Variants in DIP2C observed in about 807,000 individuals in gnomAD.
DIP2C encodes disco-interacting protein 2 homolog C.
In DIP2C, 33 loss-of-function variants were observed where a neutral mutation model predicts 192.4. That is an observed-to-expected ratio of 0.17 (90% CI 0.13 to 0.23). The LOEUF is 0.23. DIP2C is among the 10% of genes least tolerant of loss of function. The pLI is 1.00. For missense variants in DIP2C, 1,537 were observed against 2,110.1 expected (o/e 0.73, Z 5.32); for synonymous variants, 979 against 864.1 (o/e 1.13, Z -2.33).
At chr10:681,315 T>A (rs1040028074) in intron 1 of DIP2C, among the ~76,000 whole-genome samples, 2 of 151,138 alleles carry the variant, frequency 1.3e-5, no homozygotes, top group African/African-American at 4.9e-5. Flanking sequence ...CTCAGTCACA[T>A]GGTATGGCCA....
intron 1 of DIP2C, among the ~76,000 whole-genome samples, chr10:533,618 C>CT (rs1847538633): frequency 6.6e-6 from 1 of 150,676 alleles, no homozygotes; most frequent in Non-Finnish European, 1.5e-5. Context: ...GCAAACCTGC[C>CT]TCCCCATGCT....
At chr10:589,647 T>TC (rs1851287458) in intron 1 of DIP2C, among the ~76,000 whole-genome samples, 1 of 152,084 alleles carries the variant, frequency 6.6e-6, no homozygotes, top group Admixed American at 6.5e-5. Flanking sequence ...CGTGTGTCCC[T>TC]CCTGAGCATA....
At chr10:663,751 TAATG>T (rs1187019769) in intron 1 of DIP2C, 1 of 152,238 alleles carries the variant, frequency 6.6e-6, no homozygotes, top group African/African-American at 2.4e-5. Flanking sequence ...TTAAAACTCC[TAATG>T]AAGAAACACA....
intron 32 of DIP2C, among the ~76,000 whole-genome samples, chr10:303,059 G>C (rs1956126999): frequency 6.6e-6 from 1 of 152,308 alleles, no homozygotes; most frequent in East Asian, 1.9e-4. Flanking sequence ...CGCGACTGTA[G>C]ATTTGTAAAC....
chr10:421,780 G>A (rs1458147701), intron 5 of DIP2C, among the ~76,000 whole-genome samples: 1 of 152,096 alleles, frequency 6.6e-6, no homozygotes, highest in African/African-American at 2.4e-5. Context: ...CCTAAAAGCA[G>A]GAGAACTGAC....
At chr10:475,390 G>A (rs957417022) in intron 2 of DIP2C, among the ~76,000 whole-genome samples, 9 of 152,174 alleles carry the variant, frequency 5.9e-5, no homozygotes, top group African/African-American at 1.7e-4. Flanking sequence ...GTTGCCAAGC[G>A]TATCCAGTGG....
At chr10:321,020 G>GAA (rs35313559) in intron 31 of DIP2C, among the ~76,000 whole-genome samples, 23 of 152,036 alleles carry the variant, frequency 1.5e-4, no homozygotes, top group Non-Finnish European at 3.1e-4. Flanking sequence ...TTATGAAGCA[G>GAA]GAAAGACTGC....
chr10:405,856 C>T (rs1479892361), intron 9 of DIP2C, among the ~76,000 whole-genome samples: 1 of 152,182 alleles, frequency 6.6e-6, no homozygotes, highest in South Asian at 2.1e-4. Flanking sequence ...GCTGTCCAGG[C>T]GAAAGGCTTC....
At chr10:627,502 C>T (rs564098496) in intron 1 of DIP2C, among the ~76,000 whole-genome samples, 2 of 152,382 alleles carry the variant, frequency 1.3e-5, no homozygotes, top group South Asian at 2.1e-4. Context: ...GTTCTCACCA[C>T]ACCAGAGATG....
chr10:451,872 G>A (rs1436714769), intron 3 of DIP2C, among the ~76,000 whole-genome samples: 1 of 152,122 alleles, frequency 6.6e-6, no homozygotes, highest in Non-Finnish European at 1.5e-5. Flanking sequence ...TTCCATAAAG[G>A]CAAAAGACAT....
Position 369,581 on chromosome 10 carries a change from C to T in DIP2C, c.2044G>A (p.Gly682Arg). ...PPGRGVLSMH[G>R]LTYGVIRVDS... ...ACACGAATGACCCCATAGGTCAGTC[C>T]ATGCATGGAGAGGACACCCCGGCCC... Residue 682 changes from glycine to arginine, a missense_variant, in exon 18 of 37, where the codon GGA becomes AGA. Physicochemically the swap from Gly to Arg is moderately radical, Grantham distance 125. Transcript: ENST00000280886. 1 of 1,612,614 alleles carries T rather than the reference C, an allele frequency of 6.2e-7. No homozygotes were observed. The highest frequency in any genetic ancestry group is 1.3e-5 in the African/African-American group (1 of 75,058).
intron 1 of DIP2C, among the ~76,000 whole-genome samples, chr10:603,513 G>C (rs1171669563): frequency 6.6e-6 from 1 of 151,924 alleles, no homozygotes; most frequent in Non-Finnish European, 1.5e-5. Context: ...AAGTATATCA[G>C]GTATACCTGG....
chr10:421,984 C>T (rs893634897), intron 5 of DIP2C, among the ~76,000 whole-genome samples: 13 of 152,168 alleles, frequency 8.5e-5, no homozygotes, highest in Non-Finnish European at 4.4e-5. Flanking sequence ...TTCTGGGGTT[C>T]TGGGGTGTCT....
chr10:414,733 G>GTATATATATATATATATATATATA (rs1485973532), intron 7 of DIP2C, among the ~76,000 whole-genome samples: 2 of 58,256 alleles, frequency 3.4e-5, no homozygotes, highest in Non-Finnish European at 6.8e-5. Context: ...GTGTGTGTGT[G>GTATATATATATATATATATATATA]TGTGTGTACA....
At chr10:306,224 A>G (rs1384581066) in intron 32 of DIP2C, among the ~76,000 whole-genome samples, 1 of 151,934 alleles carries the variant, frequency 6.6e-6, no homozygotes, top group African/African-American at 2.4e-5. Flanking sequence ...CCCTCACTCT[A>G]TGATGCAGAA....
At chr10:624,953 C>T (rs1476432579) in intron 1 of DIP2C, among the ~76,000 whole-genome samples, 1 of 152,182 alleles carries the variant, frequency 6.6e-6, no homozygotes, top group Admixed American at 6.5e-5. Context: ...CTGAAGGCCC[C>T]GCTGCACCCA....
intron 4 of DIP2C, among the ~76,000 whole-genome samples, chr10:429,845 C>A (rs1165046064): frequency 1.3e-5 from 2 of 152,082 alleles, no homozygotes; most frequent in South Asian, 4.2e-4. Flanking sequence ...CTCTAAATAT[C>A]TATGTGTAGG....
At chr10:600,691 C>T (rs1852011600) in intron 1 of DIP2C, among the ~76,000 whole-genome samples, 2 of 152,180 alleles carry the variant, frequency 1.3e-5, no homozygotes, top group Admixed American at 6.5e-5. Flanking sequence ...TTCCTGGGTG[C>T]CCCAGAGCGC....
intron 1 of DIP2C, among the ~76,000 whole-genome samples, chr10:530,653 TAAAA>T (rs59344971): frequency 4.0e-4 from 42 of 106,084 alleles, no homozygotes; most frequent in African/African-American, 1.3e-3. Flanking sequence ...CCCTATCTCT[TAAAA>T]AAAAAAAAAA....
Sources: gnomAD v4.1 joint callset for allele counts (sites outside exome capture counted in the v4.1 genomes callset) on GRCh38, gnomAD v4.1.1 for gene constraint, MANE v1.5 for transcripts, NCBI Gene and HGNC (gene_info 2026-07-23, HGNC 2026-07-21) for gene names.